CCDC126: variants seen among roughly 807,000 people sequenced by gnomAD.
CCDC126 encodes coiled-coil domain containing 126, also known as coiled-coil domain-containing protein 126.
Under a neutral mutation model 11.7 loss-of-function variants are expected in CCDC126, and 5 were observed. That is an observed-to-expected ratio of 0.43 (90% CI 0.22 to 0.90). The LOEUF (loss-of-function observed/expected upper bound fraction) is 0.90, where lower values mean the gene tolerates loss of function less well. Among genes scored for constraint, CCDC126 ranks in the 40% least tolerant of loss-of-function variants. CCDC126 has a pLI of 0.27. For missense variants in CCDC126, 150 were observed against 163.1 expected, an observed-to-expected ratio of 0.92 and a Z score of 0.44; for synonymous variants, 60 against 61.9, an observed-to-expected ratio of 0.97 and a Z score of 0.14.
intron 3 of CCDC126, among the ~76,000 whole-genome samples, chr7:23,627,939 G>A (rs1174100684): frequency 4.6e-5 from 7 of 152,074 alleles, no homozygotes; most frequent in Non-Finnish European, 5.9e-5. Flanking sequence ...GAAAATAATA[G>A]TTTAAAAATT....
chr7:23,621,067 T>C (rs1350952109), intron 3 of CCDC126, among the ~76,000 whole-genome samples: 3 of 152,234 alleles, frequency 2.0e-5, no homozygotes, highest in African/African-American at 7.2e-5. Context: ...TGCGGGCTCT[T>C]TTTTGGTTCC....
intron 3 of CCDC126, among the ~76,000 whole-genome samples, chr7:23,617,297 A>G (rs775855099): frequency 1.3e-5 from 2 of 148,470 alleles, no homozygotes; most frequent in Non-Finnish European, 3.0e-5. Context: ...GCAGTGAGCC[A>G]AGATTGCACC....
At chr7:23,628,750 T>G (rs1037460504) in intron 3 of CCDC126, among the ~76,000 whole-genome samples, 1 of 152,162 alleles carries the variant, frequency 6.6e-6, no homozygotes, top group African/African-American at 2.4e-5. Flanking sequence ...GAACTGTTCA[T>G]CTCCCTTCCC....
At chr7:23,601,055 TAA>T (rs578161504) in intron 2 of CCDC126, among the ~76,000 whole-genome samples, 24 of 133,952 alleles carry the variant, frequency 1.8e-4, no homozygotes, top group Admixed American at 3.0e-4. Flanking sequence ...TATCAATAAT[TAA>T]AAAAAAAAAA....
chr7:23,637,999 A>G (rs1320597548), intron 3 of CCDC126, among the ~76,000 whole-genome samples: 2 of 112,696 alleles, frequency 1.8e-5, no homozygotes, highest in Admixed American at 9.2e-5. Flanking sequence ...CAGCCGCCCT[A>G]TCCAGGAGGT....
At position 23,638,229 on chromosome 7, in the gene CCDC126, T is replaced by C. The variant is rs1434214913; in HGVS notation, c.239-4702T>C. ...TCTGGGAGGTGTGCCTAGCGACTCA[T>C]TGGGGATGGGCCATGATGACAATGG... On this transcript the variant is annotated intron_variant, in intron 3 of 3. Transcript: ENST00000307471. Among the ~76,000 whole-genome samples, 29 of 152,040 alleles carry C rather than the reference T, an allele frequency of 1.9e-4. 1 individual carries two copies. The highest frequency in any genetic ancestry group is 1.2e-3 in the South Asian group (6 of 4,816).
chr7:23,614,674 G>C (rs779619085), intron 3 of CCDC126, among the ~76,000 whole-genome samples: 2 of 152,156 alleles, frequency 1.3e-5, no homozygotes, highest in Non-Finnish European at 2.9e-5. Flanking sequence ...CTTTATCGAT[G>C]GGCAGGAGAA....
At chr7:23,620,928 A>G (rs560999914) in intron 3 of CCDC126, among the ~76,000 whole-genome samples, 114 of 152,134 alleles carry the variant, frequency 7.5e-4, no homozygotes, top group African/African-American at 2.5e-3. Context: ...GTTCTGTTCT[A>G]TTGGTATGTA....
intron 3 of CCDC126, among the ~76,000 whole-genome samples, chr7:23,620,243 G>T (rs568197361): frequency 6.6e-6 from 1 of 152,138 alleles, no homozygotes; most frequent in Non-Finnish European, 1.5e-5. Context: ...TCCAGCACCT[G>T]TTGTTTCCTG....
intron 3 of CCDC126, among the ~76,000 whole-genome samples, chr7:23,638,712 T>TTAAAAAAAAAAAATAAAAAAAA (rs1783290615): frequency 4.5e-5 from 2 of 44,428 alleles, no homozygotes; most frequent in Non-Finnish European, 8.8e-5. Context: ...GAATGATCAA[T>TTAAAAAAAAAAAATAAAAAAAA]AAAAAAAAAA....
At chr7:23,621,238 A>C (rs1373701800) in intron 3 of CCDC126, among the ~76,000 whole-genome samples, 1 of 152,074 alleles carries the variant, frequency 6.6e-6, no homozygotes, top group Non-Finnish European at 1.5e-5. Context: ...ATTTGTTTGT[A>C]TCCTCTTTTA....
At chr7:23,619,513 G>A (rs1262821112) in intron 3 of CCDC126, 2 of 340,938 alleles carry the variant, frequency 5.9e-6, no homozygotes, top group Non-Finnish European at 5.8e-6. Context: ...CCAATGTAAT[G>A]CACAGCTGGG....
At chr7:23,604,161 G>A (rs905036281) in intron 2 of CCDC126, 1 of 152,146 alleles carries the variant, frequency 6.6e-6, no homozygotes, top group African/African-American at 2.4e-5. Context: ...ATGCTCCAGT[G>A]ACTTAATACC....
intron 2 of CCDC126, among the ~76,000 whole-genome samples, chr7:23,604,711 A>G (rs531849051): frequency 6.6e-6 from 1 of 152,246 alleles, no homozygotes; most frequent in African/African-American, 2.4e-5. Flanking sequence ...ATAGAAAATG[A>G]TAGGGCCAGG....
At chr7:23,641,426 T>G (rs893600314) in intron 3 of CCDC126, among the ~76,000 whole-genome samples, 1 of 152,258 alleles carries the variant, frequency 6.6e-6, no homozygotes, top group Admixed American at 6.5e-5. Context: ...ATTTATGGTT[T>G]GCAAATGTTT....
intron 3 of CCDC126, chr7:23,622,776 A>G (rs1435970108): frequency 2.0e-6 from 1 of 499,620 alleles, no homozygotes; most frequent in Non-Finnish European, 4.0e-6. Flanking sequence ...TTCTAACCAT[A>G]GATACAACAT....
At chr7:23,633,567 C>G (rs983165095) in intron 3 of CCDC126, among the ~76,000 whole-genome samples, 2 of 151,604 alleles carry the variant, frequency 1.3e-5, no homozygotes, top group African/African-American at 4.8e-5. Context: ...CTTTGATAAC[C>G]AAGAAGCGAC....
At chr7:23,606,159 C>T (rs192753572) in intron 2 of CCDC126, among the ~76,000 whole-genome samples, 6 of 151,990 alleles carry the variant, frequency 3.9e-5, no homozygotes, top group Admixed American at 6.6e-5. Context: ...CCTGGGTTCA[C>T]GCCATTCTCC....
chr7:23,636,115 C>G (rs1321148199), intron 3 of CCDC126, among the ~76,000 whole-genome samples: 1 of 152,224 alleles, frequency 6.6e-6, no homozygotes, highest in African/African-American at 2.4e-5. Context: ...ATCCGCCAGC[C>G]TCGGCCTCCC....
Sources: allele counts gnomAD v4.1 joint callset (sites outside exome capture counted in the v4.1 genomes callset), GRCh38; gene constraint gnomAD v4.1.1; transcripts MANE v1.5; gene names NCBI Gene and HGNC (gene_info 2026-07-23, HGNC 2026-07-21).